Variants in MDGA2 observed in about 807,000 individuals in gnomAD.
The protein encoded by MDGA2 is MAM domain containing glycosylphosphatidylinositol anchor 2, also known as MAM domain-containing glycosylphosphatidylinositol anchor protein 2.
A neutral mutation model predicts 117.8 loss-of-function variants in MDGA2; 40 were observed. The ratio of observed to expected loss-of-function variants is 0.34; its 90% CI spans 0.26 to 0.44. The LOEUF (loss-of-function observed/expected upper bound fraction) is 0.44. Ranked by LOEUF, MDGA2 falls within the 20% of genes least tolerant of loss-of-function variation. The pLI, the probability that MDGA2 is intolerant of heterozygous loss-of-function variation, is 1.00. For synonymous variants in MDGA2, 452 were observed against 439.0 expected (o/e 1.03, Z -0.37); for missense variants, 1,123 against 1,250.6 (o/e 0.90, Z 1.54).
intron 2 of MDGA2, among the ~76,000 whole-genome samples, chr14:47,280,343 A>AAGAG (rs769947855): frequency 1.5e-5 from 2 of 137,256 alleles, no homozygotes; most frequent in Non-Finnish European, 3.2e-5. Context: ...AAAAAAAAAA[A>AAGAG]AGAGAGATTG....
intron 5 of MDGA2, among the ~76,000 whole-genome samples, chr14:47,115,539 C>G (rs981602838): frequency 6.6e-6 from 1 of 151,572 alleles, no homozygotes; most frequent in Non-Finnish European, 1.5e-5. Flanking sequence ...TATTGATATG[C>G]CTTCCACATG....
At chr14:47,329,085 G>A (rs72683858) in intron 1 of MDGA2, among the ~76,000 whole-genome samples, 13,747 of 151,992 alleles carry the variant, frequency 0.09, 761 homozygotes, top group Non-Finnish European at 0.11. Context: ...TAAACTAGGG[G>A]GAAAATTCAA....
At chr14:46,970,353 A>C (rs1192295439) in intron 8 of MDGA2, among the ~76,000 whole-genome samples, 1 of 152,150 alleles carries the variant, frequency 6.6e-6, no homozygotes, top group Non-Finnish European at 1.5e-5. Context: ...ATAAAAACAG[A>C]CTTAGATCAA....
chr14:46,983,202 T>A (rs907063754), intron 8 of MDGA2, among the ~76,000 whole-genome samples: 1 of 152,122 alleles, frequency 6.6e-6, no homozygotes, highest in African/African-American at 2.4e-5. Context: ...TAAATTACAT[T>A]GTATTGGTTA....
intron 2 of MDGA2, among the ~76,000 whole-genome samples, chr14:47,253,905 T>C (rs1371911719): frequency 2.0e-5 from 3 of 152,248 alleles, no homozygotes; most frequent in African/African-American, 7.2e-5. Flanking sequence ...CAAACTTCAG[T>C]TATTTTCCTC....
intron 1 of MDGA2, among the ~76,000 whole-genome samples, chr14:47,485,509 G>A (rs573103541): frequency 6.6e-6 from 1 of 152,272 alleles, no homozygotes; most frequent in African/African-American, 2.4e-5. Flanking sequence ...GGAGAAATTC[G>A]AACCAGCTGC....
In MDGA2 at chr14:46,842,002, C is replaced by T; in HGVS notation, c.3007G>A (p.Val1003Ile). 1 of 1,611,098 alleles carries T rather than the reference C, an allele frequency of 6.2e-7. No homozygotes were observed. Among genetic ancestry groups the T allele is most frequent in the African/African-American group, 1.3e-5 (1 of 74,892 alleles). The change falls in exon 17 of 17, where the codon GTT becomes ATT. Residue 1003 changes from valine (V) to isoleucine (I), a missense_variant. Around this residue, in one of 2 missense-constraint regions of MDGA2, gnomAD observed 890 missense variants for 1,050.3 expected, o/e 0.85. Transcript: ENST00000399232. ...LATKNSVDGA[V>I]GILVHIWLFP... The stretch of plus-strand genomic sequence containing the variant: ...AGCCATATATGAACCAAAATCCCAA[C>T]AGCACCATCAACGGAATCTAAAGAT...
At chr14:47,479,500 G>T (rs1174947638) in intron 1 of MDGA2, among the ~76,000 whole-genome samples, 1 of 151,588 alleles carries the variant, frequency 6.6e-6, no homozygotes, top group Non-Finnish European at 1.5e-5. Context: ...TTCAAAGAAG[G>T]CTTAAATCAC....
intron 2 of MDGA2, among the ~76,000 whole-genome samples, chr14:47,225,489 G>T (rs1276743304): frequency 2.6e-5 from 4 of 151,876 alleles, no homozygotes; most frequent in East Asian, 1.9e-4. Flanking sequence ...CCATAAAAAA[G>T]GATGAGTTCA....
chr14:47,470,504 C>T (rs1052434973), intron 1 of MDGA2, among the ~76,000 whole-genome samples: 1 of 152,102 alleles, frequency 6.6e-6, no homozygotes, highest in East Asian at 1.9e-4. Context: ...TTTTCTTAAT[C>T]CAGTCTATCA....
chr14:46,908,566 T>G (rs567992090), intron 10 of MDGA2, among the ~76,000 whole-genome samples: 2 of 152,282 alleles, frequency 1.3e-5, no homozygotes, highest in East Asian at 3.9e-4. Flanking sequence ...AAGAGTTTGC[T>G]GTGCAAGTGA....
intron 2 of MDGA2, among the ~76,000 whole-genome samples, chr14:47,285,724 G>A (rs1329812022): frequency 2.6e-5 from 4 of 152,038 alleles, no homozygotes; most frequent in Admixed American, 2.0e-4. Context: ...CAGGCATTGA[G>A]GTATATGGCT....
At chr14:47,278,686 T>C (rs907603951) in intron 2 of MDGA2, among the ~76,000 whole-genome samples, 25 of 152,202 alleles carry the variant, frequency 1.6e-4, no homozygotes, top group African/African-American at 5.8e-4. Context: ...ATTCAATTTT[T>C]AAATTTAAGG....
At chr14:46,952,283 A>G (rs1287058337) in intron 9 of MDGA2, among the ~76,000 whole-genome samples, 1 of 152,024 alleles carries the variant, frequency 6.6e-6, no homozygotes, top group East Asian at 1.9e-4. Flanking sequence ...CTCCTCAAAA[A>G]GAAGAAGCAT....
chr14:47,173,721 C>A lies in MDGA2; in HGVS notation c.596-29447G>T, dbSNP rs372919232. Reference sequence around the variant, plus strand: ...TGCCAAAATGTAAAGACCATCAAGACTAGGAAGAAACTGCATCAACTAACG... The same window carrying A: ...TGCCAAAATGTAAAGACCATCAAGAATAGGAAGAAACTGCATCAACTAACG... On this transcript the variant is annotated intron_variant, in intron 3 of 16. Coordinates refer to ENST00000399232, the MANE Select transcript of MDGA2 (RefSeq NM_001113498.3). Among the ~76,000 whole-genome samples the A allele has an allele frequency of 1.6e-3, 240 of 152,032 alleles. 2 individuals are homozygous for A. The highest frequency in any genetic ancestry group is 5.6e-3 in the African/African-American group (231 of 41,544).
intron 5 of MDGA2, among the ~76,000 whole-genome samples, chr14:47,128,784 T>C (rs1468278764): frequency 6.7e-6 from 1 of 150,266 alleles, no homozygotes; most frequent in Non-Finnish European, 1.5e-5. Context: ...AACCTCCACC[T>C]CCTGAGTTCA....
At chr14:47,587,802 A>G (rs1896353214) in intron 1 of MDGA2, among the ~76,000 whole-genome samples, 1 of 151,942 alleles carries the variant, frequency 6.6e-6, no homozygotes, top group Non-Finnish European at 1.5e-5. Context: ...TTCTGCATCC[A>G]TTGCCACAAT....
intron 1 of MDGA2, among the ~76,000 whole-genome samples, chr14:47,559,219 T>C (rs1234295531): frequency 6.6e-6 from 1 of 152,172 alleles, no homozygotes; most frequent in Non-Finnish European, 1.5e-5. Context: ...GCAGACAGTT[T>C]TTCAATCTTC....
Position 46,959,696 on chromosome 14 carries a change from C to T in MDGA2, c.1820-2053G>A, listed in dbSNP as rs367638790. On this transcript the variant is annotated intron_variant, in intron 8 of 16. Coordinates refer to ENST00000399232, the MANE Select transcript of MDGA2 (RefSeq NM_001113498.3). ...TGCCTTCTTTTAGATGGATGGATTA[C>T]ATTATCATTCTGATCTTTTTGCCAC... Among the ~76,000 whole-genome samples, 42 of 152,176 alleles carry T rather than the reference C, an allele frequency of 2.8e-4. No individual in the cohort carries two copies. The South Asian group carries it at 4.6e-3, about 17-fold the overall frequency.
Sources: allele counts gnomAD v4.1 joint callset (sites outside exome capture counted in the v4.1 genomes callset), GRCh38; gene constraint gnomAD v4.1.1; regional missense constraint gnomAD v4.1.1; transcripts MANE v1.5; gene names NCBI Gene and HGNC (gene_info 2026-07-23, HGNC 2026-07-21).